Variants in ARFGAP2 observed in about 807,000 individuals in gnomAD.
ARFGAP2 encodes ARF GTPase activating protein 2.
A neutral mutation model predicts 71.9 loss-of-function variants in ARFGAP2; 45 were observed. The observed-to-expected ratio is 0.63, with a 90% CI of 0.49 to 0.80. The LOEUF (loss-of-function observed/expected upper bound fraction) is 0.80. Ranked by LOEUF, ARFGAP2 falls within the 30% of genes least tolerant of loss-of-function variation. The pLI is 0.00. For missense variants in ARFGAP2, 633 were observed against 673.9 expected, an observed-to-expected ratio of 0.94 and a Z score of 0.67; for synonymous variants, 248 against 249.2, an observed-to-expected ratio of 1.00 and a Z score of 0.05.
chr11:47,170,341 A>AAAAAAT (rs1952550137), intron 10 of ARFGAP2, among the ~76,000 whole-genome samples: 1 of 150,228 alleles, frequency 6.7e-6, no homozygotes, highest in Admixed American at 6.6e-5. Flanking sequence ...AAAAAAAAAA[A>AAAAAAT]AAGAAAAGAA....
rs1187391357 is a variant in ARFGAP2 at position 47,167,955 on chromosome 11, TCTC to T, written c.1156_1158del (p.Glu386del). The T allele has an allele frequency of 1.2e-6, 2 of 1,613,652 alleles. No individual in the cohort carries two copies. The highest frequency in any genetic ancestry group is 1.3e-5 in the African/African-American group (1 of 74,864). ...CTTGAGATGGTCACTTCTGGCTCCTTCTCCTCTACCCTGTCCATACCCCAGGCA... is the reference window on the plus strand; with the variant it reads ...CTTGAGATGGTCACTTCTGGCTCCTTCTCTACCCTGTCCATACCCCAGGCA... On this transcript the variant is annotated inframe_deletion, in exon 12 of 16. Transcript: ENST00000524782.
chr11:47,168,467 T>C, intron 10 of ARFGAP2: 1 of 528,888 alleles, frequency 1.9e-6, no homozygotes, highest in Non-Finnish European at 3.3e-6. Flanking sequence ...ACATCAGCTT[T>C]GTTTATTCCA....
At chr11:47,172,115 CT>C in intron 8 of ARFGAP2, 165 bp downstream of exon 8, 1 of 800,140 alleles carries the variant, frequency 1.2e-6, no homozygotes, top group Non-Finnish European at 2.1e-6. Context: ...TGAAGACAGG[CT>C]TTAAATCCCT....
rs1952388554 is a variant in ARFGAP2 at position 47,166,588 on chromosome 11, C to T, written c.1344G>A (p.Arg448=). ...TGCCTGAGAGCTGCTGCAGCCGAGA[C>T]CTGGCCTCATACTGTGGTGAGGAAA... ...GREVDAEYEA[R]SRLQQLSGSS... The change falls in exon 14 of 16, where the codon AGG becomes AGA. Residue 448 remains arginine, a synonymous_variant. Transcript: ENST00000524782. The T allele has an allele frequency of 3.1e-6, 5 of 1,612,214 alleles. No homozygotes were observed. Among genetic ancestry groups the T allele is most frequent in the Non-Finnish European group, 4.2e-6 (5 of 1,179,994 alleles).
rs986520952 is a variant in ARFGAP2 at position 47,173,446 on chromosome 11, G to A, written c.599C>T (p.Thr200Ile). The change falls in exon 7 of 16, where the codon ACC (threonine) becomes ATC (isoleucine). Residue 200 changes from threonine to isoleucine, a missense_variant. By Grantham distance (89) the Thr-to-Ile change is moderately conservative (BLOSUM62 -1). Coordinates refer to ENST00000524782, the MANE Select transcript of ARFGAP2 (RefSeq NM_032389.6). Reference protein sequence around the residue: ...EHGPNTDLLGTSPKASLELKS... With the variant: ...EHGPNTDLLGISPKASLELKS... ...CTGACCCAGTGAGGCTTTGGGTGAG[G>A]TGCCAAGCAGGTCTGTGTTGGGGCC... The A allele has an allele frequency of 8.3e-6, 13 of 1,558,108 alleles. No homozygotes were observed. The highest frequency in any genetic ancestry group is 2.4e-5 in the East Asian group (1 of 41,774).
chr11:47,170,489 T>TA (rs1952557158), intron 10 of ARFGAP2, among the ~76,000 whole-genome samples: 1 of 151,508 alleles, frequency 6.6e-6, no homozygotes, highest in East Asian at 1.9e-4. Context: ...CTACTAAAAA[T>TA]ACAAAAAATT....
chr11:47,167,194 C>G (rs1288533130), intron 12 of ARFGAP2, among the ~76,000 whole-genome samples: 2 of 152,218 alleles, frequency 1.3e-5, no homozygotes. Context: ...CTGCTGCTAC[C>G]CTAATCCTAG....
At chr11:47,170,323 C>CAAAAAAAAAAAAAAAAA (rs34843394) in intron 10 of ARFGAP2, among the ~76,000 whole-genome samples, 8 of 73,924 alleles carry the variant, frequency 1.1e-4, no homozygotes, top group Non-Finnish European at 1.3e-4. Flanking sequence ...GACTCCATCT[C>CAAAAAAAAAAAAAAAAA]AAAAAAAAAA....
At chr11:47,167,878 G>GAAAGAAA (rs750851073) in intron 12 of ARFGAP2, 31 bp downstream of exon 12, 46 of 1,498,850 alleles carry the variant, frequency 3.1e-5, no homozygotes, top group Non-Finnish European at 3.8e-5. Context: ...AAAAAAAAAA[G>GAAAGAAA]AAAGAAAAAA....
intron 5 of ARFGAP2, chr11:47,174,700 T>G (rs978548036): frequency 6.5e-6 from 2 of 309,404 alleles, no homozygotes; most frequent in African/African-American, 4.3e-5. Context: ...CGGCCCACAG[T>G]GCCTTTCTTA....
At chr11:47,171,391 G>A (rs770336255) in intron 10 of ARFGAP2, 35 bp downstream of exon 10, 52 of 1,610,674 alleles carry the variant, frequency 3.2e-5, no homozygotes, top group Admixed American at 2.9e-4. Flanking sequence ...AGAAAACAAC[G>A]GCATTTCCCT....
intron 5 of ARFGAP2, chr11:47,174,054 G>A: frequency 1.2e-6 from 1 of 824,990 alleles, no homozygotes; most frequent in Non-Finnish European, 1.9e-6. Context: ...TATTTACTTA[G>A]AGCCAGAGCC....
At chr11:47,165,687 C>G (rs1214826187) in intron 15 of ARFGAP2, among the ~76,000 whole-genome samples, 185 bp from the exon 16 acceptor site, 2 of 152,166 alleles carry the variant, frequency 1.3e-5, no homozygotes, top group Non-Finnish European at 2.9e-5. Flanking sequence ...CACCCGACAA[C>G]AGGGAAGCCC....
chr11:47,168,275 C>G (rs1301647563), intron 10 of ARFGAP2, 24 bp from the exon 11 acceptor site: 2 of 1,613,444 alleles, frequency 1.2e-6, no homozygotes, highest in African/African-American at 2.7e-5. Flanking sequence ...CAGAGCCAGG[C>G]ATGAGACCAA....
chr11:47,169,338 A>G (rs1445770137), intron 10 of ARFGAP2: 4 of 151,972 alleles, frequency 2.6e-5, no homozygotes, highest in African/African-American at 9.7e-5. Context: ...AAGCACCTCA[A>G]AGCACAAAGA....
chr11:47,173,396 C>G (rs1952672696), intron 7 of ARFGAP2, 30 bp downstream of exon 7: 1 of 1,551,672 alleles, frequency 6.4e-7, no homozygotes, highest in Admixed American at 2.0e-5. Flanking sequence ...CTCTCCCAGA[C>G]ACCCCACGCC....
chr11:47,175,161 G>T, intron 4 of ARFGAP2, 21 bp downstream of exon 4: 20 of 1,614,044 alleles, frequency 1.2e-5, no homozygotes, highest in Non-Finnish European at 1.7e-5. Context: ...TCCTGCCCCA[G>T]CCCCAAGAAC....
Position 47,164,348 on chromosome 11 carries a change from A to T in ARFGAP2, c.*1134T>A. ...CAGGCCCTGCAGGGGCTTTATTTTG[A>T]CACCACTTTGTTTCAATACAAACAG... On this transcript the variant is annotated 3_prime_UTR_variant, in exon 16 of 16. Coordinates refer to ENST00000524782, the MANE Select transcript of ARFGAP2 (RefSeq NM_032389.6). 7.6e-7 allele frequency: 1 copy of T among 1,313,902 alleles called. No homozygotes were observed. Among genetic ancestry groups the T allele is most frequent in the South Asian group, 1.6e-5 (1 of 64,516 alleles). 81.4% of individuals were successfully genotyped at this position (1,313,902 alleles called of 1,614,324 possible). A position where few individuals can be genotyped will look rare whatever the true frequency, so the allele number is the denominator to read the frequency against.
chr11:47,176,095 A>G (rs1331974984), intron 2 of ARFGAP2, 172 bp from the exon 3 acceptor site: 2 of 646,890 alleles, frequency 3.1e-6, no homozygotes, highest in African/African-American at 3.6e-5. Flanking sequence ...CTCTTCGTTC[A>G]TTTACTCCAA....
Sources: allele counts gnomAD v4.1 joint callset (sites outside exome capture counted in the v4.1 genomes callset), GRCh38; gene constraint gnomAD v4.1.1; transcripts MANE v1.5; gene names NCBI Gene and HGNC (gene_info 2026-07-23, HGNC 2026-07-21).